Variants in MEGF10 observed in about 807,000 individuals in gnomAD.
MEGF10 encodes multiple epidermal growth factor-like domains protein 10.
A neutral mutation model predicts 147.5 loss-of-function variants in MEGF10; 86 were observed. That is an observed-to-expected ratio of 0.58 (90% CI 0.49 to 0.70). MEGF10 has a LOEUF of 0.70. Ranked by LOEUF, MEGF10 falls within the 30% of genes least tolerant of loss-of-function variation. The pLI is 0.00. For synonymous variants in MEGF10, 478 were observed against 525.5 expected, an observed-to-expected ratio of 0.91 and a Z score of 1.24; for missense variants, 1,329 against 1,487.3, an observed-to-expected ratio of 0.89 and a Z score of 1.75.
At position 127,328,850 on chromosome 5, in the gene MEGF10, G is replaced by A. The variant is rs186040431; in HGVS notation, c.-18-2441G>A. Reference sequence around the variant, plus strand: ...GGGAAATACTTCTCACATAGATAAAGCAATGAGACAAGGAAATAATTGCCA... The same window carrying A: ...GGGAAATACTTCTCACATAGATAAAACAATGAGACAAGGAAATAATTGCCA... On this transcript the variant is annotated intron_variant, in intron 1 of 24. Coordinates refer to ENST00000503335, the MANE Select transcript of MEGF10 (RefSeq NM_001256545.2). 3.7e-4 allele frequency among the ~76,000 whole-genome samples: 56 copies of A among 152,266 alleles called. 2 individuals are homozygous for A. The highest frequency in any genetic ancestry group is 2.2e-3 in the Admixed American group (33 of 15,286).
intron 8 of MEGF10, among the ~76,000 whole-genome samples, chr5:127,407,769 G>T (rs1764389840): frequency 6.6e-6 from 1 of 152,128 alleles, no homozygotes. Context: ...AGATAAAACT[G>T]CTTGATAAAG....
chr5:127,234,256 C>T, the MEGF10 span, among the ~76,000 whole-genome samples: 2 of 152,158 alleles, frequency 1.3e-5, no homozygotes, highest in African/African-American at 2.4e-5. Flanking sequence ...GTCTATGTGC[C>T]TTTTAAAGAG....
the MEGF10 span, among the ~76,000 whole-genome samples, chr5:127,255,186 C>T: frequency 6.6e-6 from 1 of 151,862 alleles, no homozygotes; most frequent in African/African-American, 2.4e-5. Context: ...CAGTTGGTTG[C>T]CAGAATGCAA....
intron 4 of MEGF10, among the ~76,000 whole-genome samples, chr5:127,353,787 A>G (rs1762177692): frequency 6.6e-6 from 1 of 152,206 alleles, no homozygotes; most frequent in African/African-American, 2.4e-5. Flanking sequence ...TGGTAACTCA[A>G]AGTTCAAGTT....
At chr5:127,410,816 G>A (rs1764530114) in intron 9 of MEGF10, among the ~76,000 whole-genome samples, 1 of 152,212 alleles carries the variant, frequency 6.6e-6, no homozygotes, top group Admixed American at 6.5e-5. Flanking sequence ...AATGGTTACT[G>A]GTGGATAGCA....
rs569807653 is a variant in MEGF10 at position 127,295,920 on chromosome 5, C to G, written c.-19+4864C>G. On this transcript the variant is annotated intron_variant, in intron 1 of 24. Coordinates refer to ENST00000503335, the MANE Select transcript of MEGF10 (RefSeq NM_001256545.2). ...CTGAAATGAACTTTTTCTAGCTTAG[C>G]ATAAGCCTGTATCATTTTCTGCCAA... Among the ~76,000 whole-genome samples, 5 of 152,336 alleles carry G rather than the reference C, an allele frequency of 3.3e-5. No homozygotes were observed. In the East Asian group the frequency reaches 9.6e-4, roughly 29 times the overall value.
intron 16 of MEGF10, 150 bp downstream of exon 16, chr5:127,435,639 TTC>T: frequency 1.2e-6 from 1 of 868,118 alleles, no homozygotes; most frequent in Non-Finnish European, 1.6e-6. Flanking sequence ...TTTTTTAAAA[TTC>T]TTTTTTTTTT....
chr5:127,410,387 A>G lies in MEGF10; in HGVS notation c.918-2A>G. On this transcript the variant is annotated splice_acceptor_variant, in intron 8 of 24. Transcript: ENST00000503335. LOFTEE classifies it high-confidence loss of function. ...TTCTTGCTCCTGCCTCTTGCTTGGT[A>G]GGTGCCAGGATGAGTGTCCTGTTGG... 6.2e-7 allele frequency: 1 copy of G among 1,614,018 alleles called. No homozygotes were observed. Among genetic ancestry groups the G allele is most frequent in the East Asian group, 2.2e-5 (1 of 44,880 alleles).
the MEGF10 span, among the ~76,000 whole-genome samples, chr5:127,272,254 A>G: frequency 6.6e-6 from 1 of 151,988 alleles, no homozygotes; most frequent in Non-Finnish European, 1.5e-5. Context: ...GTGCCATCTT[A>G]TTTTTGGGTT....
chr5:127,418,906 T>G (rs1764877681), intron 10 of MEGF10, among the ~76,000 whole-genome samples: 1 of 152,222 alleles, frequency 6.6e-6, no homozygotes, highest in African/African-American at 2.4e-5. Flanking sequence ...TGGATCCCAT[T>G]TAATAATATA....
At chr5:127,262,575 A>G in the MEGF10 span, among the ~76,000 whole-genome samples, 1 of 152,184 alleles carries the variant, frequency 6.6e-6, no homozygotes, top group Non-Finnish European at 1.5e-5. Context: ...AAAGCAGGCC[A>G]CATGCCTCCT....
intron 4 of MEGF10, among the ~76,000 whole-genome samples, chr5:127,367,058 T>C (rs1208122849): frequency 6.6e-6 from 1 of 152,174 alleles, no homozygotes; most frequent in Non-Finnish European, 1.5e-5. Context: ...TTACCTTTCT[T>C]ACCAGTTGAT....
Position 127,416,338 on chromosome 5 carries a change from GT to G in MEGF10, c.1131-1295del, listed in dbSNP as rs1764778384. On this transcript the variant is annotated intron_variant, in intron 9 of 24. Coordinates refer to ENST00000503335, the MANE Select transcript of MEGF10 (RefSeq NM_001256545.2). ...CCACCATGCCTGGCCCAAGGGCTCA[GT>G]TTTTGACATGTTAAGTTTGAGATGC... Among the ~76,000 whole-genome samples, 5 of 152,244 alleles carry G rather than the reference GT, an allele frequency of 3.3e-5. No homozygotes were observed. In the South Asian group the frequency reaches 1.0e-3, roughly 32 times the overall value.
chr5:127,434,847 C>G (rs1206397545), intron 15 of MEGF10, 26 bp downstream of exon 15: 5 of 1,604,886 alleles, frequency 3.1e-6, no homozygotes, highest in Non-Finnish European at 4.2e-6. Context: ...TCCCGGACAG[C>G]TGGGTGGTGA....
chr5:127,457,552 T>G lies in MEGF10; in HGVS notation c.*234T>G. ...CCCATTGCTGTTAGTTTTAGAACTA[T>G]ACCCGTGAAGCATGACTTATTGTAA... On this transcript the variant is annotated 3_prime_UTR_variant, in exon 25 of 25. Coordinates refer to ENST00000503335, the MANE Select transcript of MEGF10 (RefSeq NM_001256545.2). The G allele has an allele frequency of 2.1e-6, 1 of 482,060 alleles. No individual in the cohort carries two copies. Among genetic ancestry groups the G allele is most frequent in the East Asian group, 3.4e-5 (1 of 29,674 alleles). 29.9% of individuals were successfully genotyped at this position (482,060 alleles called of 1,614,324 possible). A position where few individuals can be genotyped will look rare whatever the true frequency, so the allele number is the denominator to read the frequency against.
chr5:127,440,963 C>T, intron 18 of MEGF10, 96 bp downstream of exon 18: 1 of 1,494,058 alleles, frequency 6.7e-7, no homozygotes, highest in Non-Finnish European at 9.1e-7. Flanking sequence ...ATTCACCACT[C>T]CGAGGTTGTT....
intron 5 of MEGF10, among the ~76,000 whole-genome samples, chr5:127,371,595 A>G (rs1392648377): frequency 1.3e-5 from 2 of 152,188 alleles, no homozygotes; most frequent in African/African-American, 4.8e-5. Context: ...GAATAACTTC[A>G]GTTGTATTCA....
At chr5:127,362,393 G>A (rs1400993612) in intron 4 of MEGF10, among the ~76,000 whole-genome samples, 6 of 145,574 alleles carry the variant, frequency 4.1e-5, no homozygotes, top group African/African-American at 1.0e-4. Flanking sequence ...TTTTTGAGAC[G>A]GAGTCTTGCT....
rs1303347970 is a variant in MEGF10 at position 127,396,697 on chromosome 5, A to G, written c.578A>G (p.Gln193Arg). 8 of 1,613,974 alleles carry G rather than the reference A, an allele frequency of 5.0e-6. No homozygotes were observed. Among genetic ancestry groups the G allele is most frequent in the Admixed American group, 1.7e-5 (1 of 60,008 alleles). ...EQGTYGNDCH[Q>R]RCQCQNGATC... Reference sequence around the variant, plus strand: ...GGCACCTATGGTAACGACTGTCATCAGAGATGCCAGTGCCAGAATGGAGCC... The same window carrying G: ...GGCACCTATGGTAACGACTGTCATCGGAGATGCCAGTGCCAGAATGGAGCC... The change falls in exon 6 of 25, where the codon CAG becomes CGG. Residue 193 changes from glutamine to arginine, a missense_variant. Coordinates refer to ENST00000503335, the MANE Select transcript of MEGF10 (RefSeq NM_001256545.2).
Sources: allele counts gnomAD v4.1 joint callset (sites outside exome capture counted in the v4.1 genomes callset), GRCh38; gene constraint gnomAD v4.1.1; transcripts MANE v1.5; gene names NCBI Gene and HGNC (gene_info 2026-07-23, HGNC 2026-07-21).